Variants in POLR2F observed in about 807,000 individuals in gnomAD.
The protein encoded by POLR2F is DNA-directed RNA polymerases I, II, and III subunit RPABC2.
POLR2F carries 12 observed loss-of-function variants against 22.7 expected under a neutral mutation model. The observed-to-expected ratio is 0.53, with a 90% CI of 0.34 to 0.86. The LOEUF (loss-of-function observed/expected upper bound fraction) is 0.86, where lower values mean the gene tolerates loss of function less well. Ranked by LOEUF, POLR2F falls within the 40% of genes least tolerant of loss-of-function variation. POLR2F has a pLI of 0.02. For synonymous variants in POLR2F, 57 were observed against 66.0 expected, an observed-to-expected ratio of 0.86 and a Z score of 0.66; for missense variants, 126 against 171.5, an observed-to-expected ratio of 0.73 and a Z score of 1.48.
rs916315695 is a variant in POLR2F at position 37,980,948 on chromosome 22, G to C, written c.293+13778G>C. On this transcript the variant is annotated intron_variant, in intron 4 of 4. Transcript: ENST00000405557. This position sits in a 1 kb window ranked among gnomAD's most constrained non-coding sequence, Gnocchi z 4.1. ...ACAGGAGGGACTCTTGCCTGTGTCCGCCTTTCCAGTTTCTTGGCTCTGGTT... is the reference window on the plus strand; with the variant it reads ...ACAGGAGGGACTCTTGCCTGTGTCCCCCTTTCCAGTTTCTTGGCTCTGGTT... 6.6e-6 allele frequency among the ~76,000 whole-genome samples: 1 copy of C among 152,176 alleles called. No individual in the cohort carries two copies. Among genetic ancestry groups the C allele is most frequent in the Non-Finnish European group, 1.5e-5 (1 of 68,038 alleles).
downstream of POLR2F, chr22:37,974,241 C>G (rs774047263): frequency 6.7e-7 from 1 of 1,497,690 alleles, no homozygotes. The surrounding 1 kb of genome is among the most constrained non-coding windows in gnomAD (Gnocchi z 5.4). Flanking sequence ...AAGGGGGAAG[C>G]AGGTTAGAGG....
chr22:38,026,935 G>T (rs989233417), downstream of POLR2F, among the ~76,000 whole-genome samples: 1 of 152,086 alleles, frequency 6.6e-6, no homozygotes, highest in Non-Finnish European at 1.5e-5. Context: ...CCCCCTCCCA[G>T]CTGCCCCAGG....
chr22:37,970,346 T>C (rs912093060), downstream of POLR2F, among the ~76,000 whole-genome samples: 3 of 147,832 alleles, frequency 2.0e-5, no homozygotes, highest in East Asian at 6.0e-4. Context: ...CTTACGCCTG[T>C]AATCCCAGCA....
chr22:38,008,378 G>A (rs1408891272), intron 1 of POLR2F, among the ~76,000 whole-genome samples: 2 of 150,058 alleles, frequency 1.3e-5, no homozygotes, highest in East Asian at 4.0e-4. Flanking sequence ...GGTAAGACCC[G>A]GTCTCTACTA....
At chr22:38,028,525 TGTG>T (rs1569184385), downstream of POLR2F, among the ~76,000 whole-genome samples, 1 of 151,860 alleles carries the variant, frequency 6.6e-6, no homozygotes, top group African/African-American at 2.4e-5. Flanking sequence ...TGTGTGTGCA[TGTG>T]TGTGTGCGCA....
rs377124691 is a variant in POLR2F at position 37,974,878 on chromosome 22, C to T, written c.293+7708C>T. ...GCCTACTGTCTTCCTTGCTGAGCCT[C>T]GCTCGCCCAGGCTCCTGAGTGCTCT... is the stretch of plus-strand genomic sequence containing the variant. On this transcript the variant is annotated intron_variant, in intron 4 of 4. Coordinates refer to the POLR2F transcript ENST00000405557. The surrounding 1 kb of genome is among the most constrained non-coding windows in gnomAD (Gnocchi z 5.4). 2.6e-5 allele frequency among the ~76,000 whole-genome samples: 4 copies of T among 152,316 alleles called. No homozygotes were observed. The highest frequency in any genetic ancestry group is 7.2e-5 in the African/African-American group (3 of 41,558).
intron 1 of POLR2F, among the ~76,000 whole-genome samples, chr22:37,955,432 G>A (rs57988148): frequency 2.0e-5 from 3 of 151,618 alleles, no homozygotes; most frequent in Admixed American, 1.3e-4. Context: ...CCAGCTACTC[G>A]GGAGGCTGAG....
At chr22:37,966,474 A>G (rs1473536634) in intron 3 of POLR2F, among the ~76,000 whole-genome samples, 4 of 152,088 alleles carry the variant, frequency 2.6e-5, no homozygotes, top group Middle Eastern at 3.4e-3. Flanking sequence ...TGTTGTGTCT[A>G]TAGAGAATGG....
Position 38,038,684 on chromosome 22 carries a change from A to G in POLR2F, c.453-2384A>G, listed in dbSNP as rs1336010318. ...CAACATGGCTTCTGGGCATTGGGTA[A>G]TGCGCTCCCTCTTCTCCCGCAGCGC... is the stretch of plus-strand genomic sequence containing the variant. On this transcript the variant is annotated intron_variant, in intron 5 of 5. Transcript: ENST00000407936. Among the ~76,000 whole-genome samples, 6 of 151,948 alleles carry G rather than the reference A, an allele frequency of 3.9e-5. No homozygotes were observed. The East Asian group carries it at 9.7e-4, about 24-fold the overall frequency.
intron 1 of POLR2F, among the ~76,000 whole-genome samples, chr22:38,012,082 C>CTTT (rs1235369974): frequency 2.9e-5 from 4 of 138,464 alleles, no homozygotes; most frequent in Non-Finnish European, 3.2e-5. Flanking sequence ...TATTTTTATA[C>CTTT]TTTTTTTTTT....
intron 1 of POLR2F, among the ~76,000 whole-genome samples, chr22:37,992,865 T>C (rs1456436509): frequency 6.6e-6 from 1 of 152,192 alleles, no homozygotes; most frequent in South Asian, 2.1e-4. Context: ...ACATGACTGT[T>C]TAGTCATGGA....
At chr22:38,035,350 G>A (rs2085105233) in intron 5 of POLR2F, among the ~76,000 whole-genome samples, 1 of 152,194 alleles carries the variant, frequency 6.6e-6, no homozygotes. Flanking sequence ...GGGACGAGAG[G>A]GATAAGCCCA....
Position 37,967,126 on chromosome 22 carries a change from G to C in POLR2F, c.249G>C (p.Leu83=). 1 of 1,613,370 alleles carries C rather than the reference G, an allele frequency of 6.2e-7. No individual in the cohort carries two copies. The highest frequency in any genetic ancestry group is 8.5e-7 in the Non-Finnish European group (1 of 1,179,564). The change falls in exon 4 of 5, where the codon CTG becomes CTC. Residue 83 remains leucine, a synonymous_variant. Transcript: ENST00000442738. Reference sequence around the variant, plus strand: ...TGTGTGCCCCTGTGATGGTGGAGCTGGAGGGGGAGACAGATCCTCTGCTCA... The same window carrying C: ...TGTGTGCCCCTGTGATGGTGGAGCTCGAGGGGGAGACAGATCCTCTGCTCA... The part of the protein sequence containing the change: ...IAMCAPVMVE[L]EGETDPLLIA...
intron 1 of POLR2F, among the ~76,000 whole-genome samples, chr22:38,024,600 T>C (rs1160081295): frequency 6.6e-6 from 1 of 151,942 alleles, no homozygotes; most frequent in Admixed American, 6.6e-5. Flanking sequence ...GGGACAAACA[T>C]GGGAAGGACG....
At chr22:37,969,781 AGAG>A (rs908103424), downstream of POLR2F, among the ~76,000 whole-genome samples, 18 of 152,208 alleles carry the variant, frequency 1.2e-4, no homozygotes, top group African/African-American at 3.9e-4. Context: ...TATATAATAA[AGAG>A]GAGATCGGGC....
intron 1 of POLR2F, among the ~76,000 whole-genome samples, chr22:38,007,339 G>A (rs1243751502): frequency 1.3e-5 from 2 of 152,210 alleles, no homozygotes; most frequent in African/African-American, 4.8e-5. Flanking sequence ...GACCCTGAGG[G>A]GCTCACAGGG....
At chr22:37,960,851 CTTTTTTTT>C (rs71195075) in intron 3 of POLR2F, among the ~76,000 whole-genome samples, 1 of 131,560 alleles carries the variant, frequency 7.6e-6, no homozygotes. Context: ...TTTCTTTTTT[CTTTTTTTT>C]TTTTTTTGAG....
rs969210657 is a variant in POLR2F at position 37,959,728 on chromosome 22, A to C, written c.221+252A>C. Among the ~76,000 whole-genome samples the C allele has an allele frequency of 5.9e-5, 9 of 152,130 alleles. No homozygotes were observed. In the South Asian group the frequency reaches 1.5e-3, roughly 25 times the overall value. On this transcript the variant is annotated intron_variant, in intron 3 of 4. Transcript: ENST00000442738. ...TGGGAGAAAAACGATAAAAAAAAAAAAACAGAACTAGATGGTTGCGTGTCA... is the reference window on the plus strand; with the variant it reads ...TGGGAGAAAAACGATAAAAAAAAAACAACAGAACTAGATGGTTGCGTGTCA...
At chr22:37,995,552 G>T (rs115467980) in intron 1 of POLR2F, among the ~76,000 whole-genome samples, 3,096 of 152,144 alleles carry the variant, frequency 0.02, 111 homozygotes, top group African/African-American at 0.071. Flanking sequence ...ATTTATTGGC[G>T]GATTAGTTGT....
Sources: allele counts gnomAD v4.1 joint callset (sites outside exome capture counted in the v4.1 genomes callset), GRCh38; gene constraint gnomAD v4.1.1; non-coding constraint Gnocchi (gnomAD v3.1); transcripts MANE v1.5; gene names NCBI Gene and HGNC (gene_info 2026-07-23, HGNC 2026-07-21).